Variants in PTP4A1 observed in about 807,000 individuals in gnomAD.
PTP4A1 encodes protein tyrosine phosphatase 4A1.
PTP4A1 carries 9 observed loss-of-function variants against 20.5 expected under a neutral mutation model. That is an observed-to-expected ratio of 0.44 (90% CI 0.26 to 0.77). The LOEUF is 0.77. Ranked by LOEUF, PTP4A1 falls within the 30% of genes least tolerant of loss-of-function variation. PTP4A1 has a pLI of 0.19. For synonymous variants in PTP4A1, 78 were observed against 67.4 expected (o/e 1.16, Z -0.77); for missense variants, 137 against 218.8 (o/e 0.63, Z 2.36).
At chr6:63,571,181 T>A (rs577027156), upstream of PTP4A1, 5 of 152,162 alleles carry the variant, frequency 3.3e-5, no homozygotes, top group Non-Finnish European at 7.3e-5. Context: ...TTTTTTAAAG[T>A]TCTTATTTTA....
intron 3 of PTP4A1, among the ~76,000 whole-genome samples, chr6:63,562,427 G>C (rs1226036422): frequency 1.3e-5 from 2 of 152,052 alleles, no homozygotes; most frequent in African/African-American, 2.4e-5. Context: ...TCGAACTCCC[G>C]ACCTCAAGTG....
chr6:63,550,966 A>T (rs1776412988), intron 3 of PTP4A1, among the ~76,000 whole-genome samples: 1 of 152,062 alleles, frequency 6.6e-6, no homozygotes, highest in South Asian at 2.1e-4. Flanking sequence ...TGCTTTGAGA[A>T]TCTAATTGTA....
chr6:63,539,601 C>T (rs983251601), intron 2 of PTP4A1, among the ~76,000 whole-genome samples: 7 of 152,068 alleles, frequency 4.6e-5, no homozygotes, highest in Non-Finnish European at 8.8e-5. Context: ...CATGGTGAAA[C>T]CCCGTCTCTA....
chr6:63,526,850 C>A (rs903215910), intron 1 of PTP4A1, among the ~76,000 whole-genome samples: 4 of 96,542 alleles, frequency 4.1e-5, no homozygotes, highest in African/African-American at 1.8e-4. Context: ...TTTATTTATT[C>A]TTCTTAAGGG....
At chr6:63,577,669 G>A (rs1362954852) in intron 2 of PTP4A1, among the ~76,000 whole-genome samples, 1 of 151,950 alleles carries the variant, frequency 6.6e-6, no homozygotes, top group African/African-American at 2.4e-5. Context: ...CAATTCTCCT[G>A]CCTCAGCCTC....
At chr6:63,517,162 A>G (rs1774758462), upstream of PTP4A1, among the ~76,000 whole-genome samples, 1 of 152,162 alleles carries the variant, frequency 6.6e-6, no homozygotes, top group African/African-American at 2.4e-5. Context: ...TTATTATTAA[A>G]CAAGGATAAT....
At chr6:63,551,285 C>T (rs1337963199) in intron 3 of PTP4A1, among the ~76,000 whole-genome samples, 6 of 152,010 alleles carry the variant, frequency 3.9e-5, no homozygotes, top group Admixed American at 2.0e-4. Context: ...AGGCTGGTCT[C>T]GAATTCCTGA....
intron 1 of PTP4A1, among the ~76,000 whole-genome samples, chr6:63,575,290 A>G (rs1777782875): frequency 6.6e-6 from 1 of 152,206 alleles, no homozygotes; most frequent in Non-Finnish European, 1.5e-5. Flanking sequence ...GGCAGTGACT[A>G]TGAATTACTG....
At chr6:63,571,946 T>C (rs1010641491), upstream of PTP4A1, 1 of 152,194 alleles carries the variant, frequency 6.6e-6, no homozygotes, top group Non-Finnish European at 1.5e-5. Context: ...TACAGCGGTC[T>C]TGCGACATAA....
chr6:63,523,411 G>A (rs1775023233), intron 1 of PTP4A1, among the ~76,000 whole-genome samples: 1 of 152,066 alleles, frequency 6.6e-6, no homozygotes, highest in Non-Finnish European at 1.5e-5. Flanking sequence ...GGGCATGCCT[G>A]TAGTCCCAGC....
upstream of PTP4A1, among the ~76,000 whole-genome samples, chr6:63,517,545 G>A (rs936320030): frequency 2.0e-5 from 3 of 152,116 alleles, no homozygotes; most frequent in East Asian, 5.8e-4. Context: ...AACAACAATA[G>A]CACTATGAAC....
upstream of PTP4A1, among the ~76,000 whole-genome samples, chr6:63,517,322 A>T (rs1019381542): frequency 4.6e-5 from 7 of 152,186 alleles, no homozygotes; most frequent in Non-Finnish European, 1.0e-4. Context: ...ATTACCTGCA[A>T]TAAAGAAAAG....
intron 5 of PTP4A1, among the ~76,000 whole-genome samples, chr6:63,579,603 T>C (rs1212568315): frequency 6.6e-6 from 1 of 152,230 alleles, no homozygotes; most frequent in Non-Finnish European, 1.5e-5. Context: ...TGAGGTATAA[T>C]TAAGATACAT....
At position 63,583,062 on chromosome 6, in the gene PTP4A1, A is replaced by G. The variant is rs1015363103; in HGVS notation, c.*2888A>G. 6.6e-6 allele frequency: 1 copy of G among 152,214 alleles called. No homozygotes were observed. The highest frequency in any genetic ancestry group is 1.5e-5 in the Non-Finnish European group (1 of 68,038). 9.4% of individuals were successfully genotyped at this position (152,214 alleles called of 1,614,324 possible). ...TTAAGAATATGGCAAAGAACATAAA[A>G]GATGGTGTCACCAGATTTTGGTCAC... On this transcript the variant is annotated 3_prime_UTR_variant, in exon 6 of 6. Coordinates refer to ENST00000626021, the MANE Select transcript of PTP4A1 (RefSeq NM_003463.5).
intron 3 of PTP4A1, among the ~76,000 whole-genome samples, chr6:63,554,088 T>G (rs572428891): frequency 6.6e-6 from 1 of 152,288 alleles, no homozygotes; most frequent in Admixed American, 6.5e-5. Context: ...TTTAAAAACA[T>G]TCAGAAGACT....
At chr6:63,544,037 G>A (rs573372087) in intron 2 of PTP4A1, among the ~76,000 whole-genome samples, 28 of 151,958 alleles carry the variant, frequency 1.8e-4, no homozygotes, top group African/African-American at 6.5e-4. Flanking sequence ...GTAATTCTCC[G>A]CCCCCAACCC....
At chr6:63,564,649 A>T (rs961461623) in intron 3 of PTP4A1, among the ~76,000 whole-genome samples, 3 of 152,212 alleles carry the variant, frequency 2.0e-5, no homozygotes, top group African/African-American at 7.2e-5. Context: ...AAATTTATTT[A>T]TACTCCATTC....
At chr6:63,578,405 A>G in intron 2 of PTP4A1, 32 bp from the exon 3 acceptor site, 2 of 1,593,648 alleles carry the variant, frequency 1.3e-6, no homozygotes, top group East Asian at 2.3e-5. Context: ...GTGGTTAAAC[A>G]TTAAGATTTT....
intron 2 of PTP4A1, among the ~76,000 whole-genome samples, chr6:63,547,834 C>T (rs775445074): frequency 3.3e-5 from 5 of 152,122 alleles, no homozygotes; most frequent in Admixed American, 2.0e-4. Flanking sequence ...GTTAATGCTA[C>T]ACAGACCCCA....
Sources: allele counts gnomAD v4.1 joint callset (sites outside exome capture counted in the v4.1 genomes callset), GRCh38; gene constraint gnomAD v4.1.1; transcripts MANE v1.5; gene names NCBI Gene and HGNC (gene_info 2026-07-23, HGNC 2026-07-21).